MBNL2: variants seen among roughly 807,000 people sequenced by gnomAD.
MBNL2 encodes the protein muscleblind like splicing regulator 2.
A neutral mutation model predicts 41.9 loss-of-function variants in MBNL2; 17 were observed. The observed-to-expected ratio is 0.41, with a 90% CI of 0.28 to 0.61. MBNL2 has a LOEUF of 0.61. Ranked by LOEUF, MBNL2 falls within the 20% of genes least tolerant of loss-of-function variation. The pLI is 0.35. For missense variants in MBNL2, 336 were observed against 505.6 expected, an observed-to-expected ratio of 0.66 and a Z score of 3.22; for synonymous variants, 195 against 182.9, an observed-to-expected ratio of 1.07 and a Z score of -0.53.
At chr13:97,263,916 CCTTA>C (rs1282912541) in intron 1 of MBNL2, among the ~76,000 whole-genome samples, 4 of 151,948 alleles carry the variant, frequency 2.6e-5, no homozygotes, top group Admixed American at 2.6e-4. Context: ...CTGTGCCCAG[CCTTA>C]CTTTTATTTT....
In MBNL2 at chr13:97,346,718, C is replaced by A; in HGVS notation, c.541-86C>A. On this transcript the variant is annotated intron_variant, in intron 4 of 8. Coordinates refer to ENST00000679496, the MANE Select transcript of MBNL2 (RefSeq NM_001382683.1). The surrounding 1 kb of genome is among the most constrained non-coding windows in gnomAD (Gnocchi z 4.2). Reference sequence around the variant, plus strand: ...GAGCCACCATTGAAAGCGAGGCAGCCTCCGCTCCTCCCGCGGTGGCCGGGG... The same window carrying A: ...GAGCCACCATTGAAAGCGAGGCAGCATCCGCTCCTCCCGCGGTGGCCGGGG... 2 of 1,131,154 alleles carry A rather than the reference C, an allele frequency of 1.8e-6. No homozygotes were observed. Among genetic ancestry groups the A allele is most frequent in the Non-Finnish European group, 2.6e-6 (2 of 782,866 alleles). 70.1% of individuals were successfully genotyped at this position (1,131,154 alleles called of 1,614,324 possible).
intron 2 of MBNL2, among the ~76,000 whole-genome samples, chr13:97,326,551 A>G (rs556620970): frequency 1.3e-5 from 2 of 152,366 alleles, no homozygotes; most frequent in South Asian, 2.1e-4. Flanking sequence ...AGGCTTATGC[A>G]TAATCTTGAT....
chr13:97,384,163 A>G (rs1195670449), intron 8 of MBNL2, among the ~76,000 whole-genome samples: 2 of 152,130 alleles, frequency 1.3e-5, no homozygotes, highest in Non-Finnish European at 2.9e-5. Context: ...GGCCTCCCAA[A>G]GTGCTGGGAT....
At chr13:97,180,587 T>C in the MBNL2 span, among the ~76,000 whole-genome samples, 3 of 151,634 alleles carry the variant, frequency 2.0e-5, no homozygotes, top group African/African-American at 7.3e-5. Flanking sequence ...ATACAAAAAC[T>C]AGCTGGGTGT....
chr13:97,163,161 T>C, the MBNL2 span, among the ~76,000 whole-genome samples: 1 of 152,208 alleles, frequency 6.6e-6, no homozygotes, highest in African/African-American at 2.4e-5. Context: ...CATCAGGGCG[T>C]AGGGTCCGGC....
the MBNL2 span, among the ~76,000 whole-genome samples, chr13:97,209,439 GA>G: frequency 6.6e-6 from 1 of 152,210 alleles, no homozygotes; most frequent in Non-Finnish European, 1.5e-5. Context: ...CTTGTAAAGT[GA>G]AGGTAAAGAA....
the MBNL2 span, among the ~76,000 whole-genome samples, chr13:97,183,440 G>A: frequency 6.6e-6 from 1 of 152,120 alleles, no homozygotes; most frequent in South Asian, 2.1e-4. Context: ...CTGAAATACA[G>A]GTTTGGCAAA....
At chr13:97,279,318 C>T (rs2052861868) in intron 2 of MBNL2, among the ~76,000 whole-genome samples, 1 of 152,152 alleles carries the variant, frequency 6.6e-6, no homozygotes, top group Admixed American at 6.5e-5. Context: ...TCGTTGGCTT[C>T]AGTTTTCTCT....
chr13:97,187,593 T>TAAAAAAAAAAAA, the MBNL2 span, among the ~76,000 whole-genome samples: 13 of 51,480 alleles, frequency 2.5e-4, 4 homozygotes, highest in African/African-American at 3.7e-4. Context: ...CTATGCAGCT[T>TAAAAAAAAAAAA]AAAAAAAAAA....
chr13:97,155,240 C>A, the MBNL2 span, among the ~76,000 whole-genome samples: 1 of 151,896 alleles, frequency 6.6e-6, no homozygotes, highest in Non-Finnish European at 1.5e-5. Flanking sequence ...CTAAGTTGTT[C>A]TCTTTATCCA....
intron 2 of MBNL2, among the ~76,000 whole-genome samples, chr13:97,287,918 G>GTTTTGTTTTGTTTTT (rs2054901165): frequency 8.0e-6 from 1 of 124,630 alleles, no homozygotes; most frequent in African/African-American, 3.5e-5. Flanking sequence ...CTAATTTTCT[G>GTTTTGTTTTGTTTTT]TTTTTTTTTT....
At chr13:97,233,416 G>T (rs2042743690) in intron 1 of MBNL2, among the ~76,000 whole-genome samples, 2 of 139,944 alleles carry the variant, frequency 1.4e-5, no homozygotes, top group East Asian at 2.1e-4. Flanking sequence ...GCCTGCTCCT[G>T]CGCTAGCCCA....
At chr13:97,299,094 G>A (rs2057351745) in intron 2 of MBNL2, among the ~76,000 whole-genome samples, 1 of 152,168 alleles carries the variant, frequency 6.6e-6, no homozygotes, top group South Asian at 2.1e-4. Context: ...AAATTATTGT[G>A]CTGGTCTGAA....
the MBNL2 span, among the ~76,000 whole-genome samples, chr13:97,176,861 T>C: frequency 6.6e-6 from 1 of 152,138 alleles, no homozygotes; most frequent in Non-Finnish European, 1.5e-5. Context: ...CAATTGGACA[T>C]CTCACCAAAC....
chr13:97,287,942 T>G (rs538370623), intron 2 of MBNL2, among the ~76,000 whole-genome samples: 2 of 143,000 alleles, frequency 1.4e-5, no homozygotes, highest in East Asian at 2.0e-4. Flanking sequence ...TTGTTTTGTT[T>G]TTTTTTTTTT....
chr13:97,329,640 C>CAAACACACACA, intron 2 of MBNL2, among the ~76,000 whole-genome samples: 1 of 182 alleles, frequency 5.5e-3, no homozygotes, highest in Non-Finnish European at 0.011. Context: ...ACACACAACA[C>CAAACACACACA]ACACACAATA....
the MBNL2 span, among the ~76,000 whole-genome samples, chr13:97,213,644 C>T: frequency 1.4e-4 from 22 of 151,968 alleles, no homozygotes; most frequent in African/African-American, 5.3e-4. Context: ...TCTCGGGGTC[C>T]CATCTACATC....
intron 2 of MBNL2, among the ~76,000 whole-genome samples, chr13:97,287,918 G>GTTTTGTTTTGTTTTTTTT (rs2054901165): frequency 1.6e-5 from 2 of 124,630 alleles, no homozygotes; most frequent in African/African-American, 7.0e-5. Context: ...CTAATTTTCT[G>GTTTTGTTTTGTTTTTTTT]TTTTTTTTTT....
chr13:97,348,384 C>T (rs2062098037), intron 5 of MBNL2, among the ~76,000 whole-genome samples: 1 of 152,062 alleles, frequency 6.6e-6, no homozygotes, highest in African/African-American at 2.4e-5. Flanking sequence ...TTAAAAGCTC[C>T]CAGGTGATTC....
Sources: allele counts gnomAD v4.1 joint callset (sites outside exome capture counted in the v4.1 genomes callset), GRCh38; gene constraint gnomAD v4.1.1; non-coding constraint Gnocchi (gnomAD v3.1); transcripts MANE v1.5; gene names NCBI Gene and HGNC (gene_info 2026-07-23, HGNC 2026-07-21).